The following NRG3 variants were observed in gnomAD, a reference collection of about 807,000 sequenced individuals.
NRG3 encodes the protein pro-neuregulin-3, membrane-bound isoform.
A neutral mutation model predicts 66.9 loss-of-function variants in NRG3; 31 were observed. That is an observed-to-expected ratio of 0.46 (90% confidence interval 0.35 to 0.63). The LOEUF (loss-of-function observed/expected upper bound fraction) is 0.63. NRG3 is among the 20% of genes least tolerant of loss of function. The probability of loss-of-function intolerance (pLI) is 0.00; values close to 1 mark genes in which losing one functional copy is unlikely to be tolerated. For missense variants in NRG3, 910 were observed against 878.9 expected (o/e 1.04, Z -0.45); for synonymous variants, 393 against 359.4 (o/e 1.09, Z -1.06).
At chr10:82,715,942 T>C (rs561490332) in intron 2 of NRG3, among the ~76,000 whole-genome samples, 3 of 152,248 alleles carry the variant, frequency 2.0e-5, no homozygotes, top group South Asian at 4.1e-4. Flanking sequence ...TAGCCTCTTC[T>C]TATAAGTGGA....
intron 1 of NRG3, among the ~76,000 whole-genome samples, chr10:82,257,667 T>G (rs1251922588): frequency 6.6e-6 from 1 of 151,970 alleles, no homozygotes; most frequent in Non-Finnish European, 1.5e-5. Flanking sequence ...CTCAGGAGCA[T>G]GAGGTGGTAG....
intron 2 of NRG3, among the ~76,000 whole-genome samples, chr10:82,653,943 A>G (rs570546807): frequency 1.3e-5 from 2 of 152,308 alleles, no homozygotes; most frequent in Admixed American, 6.5e-5. Flanking sequence ...AAAGCCAGAG[A>G]TTACGTACTA....
intron 1 of NRG3, among the ~76,000 whole-genome samples, chr10:82,244,885 C>A (rs1564704377): frequency 6.6e-6 from 1 of 151,962 alleles, no homozygotes; most frequent in Non-Finnish European, 1.5e-5. Flanking sequence ...AGATGCCCAC[C>A]ACCATGCCCG....
At chr10:82,819,720 C>T (rs2061863863) in intron 3 of NRG3, among the ~76,000 whole-genome samples, 1 of 152,172 alleles carries the variant, frequency 6.6e-6, no homozygotes, top group South Asian at 2.1e-4. Flanking sequence ...ACATCTATTA[C>T]TCTGGGTCCT....
chr10:82,588,506 T>C (rs1001031561), intron 2 of NRG3, among the ~76,000 whole-genome samples: 1 of 151,994 alleles, frequency 6.6e-6, no homozygotes, highest in Non-Finnish European at 1.5e-5. Flanking sequence ...ATTGAACCTT[T>C]TTTTTTTCTT....
chr10:82,297,238 A>G (rs984029593), intron 1 of NRG3, among the ~76,000 whole-genome samples: 6 of 151,460 alleles, frequency 4.0e-5, no homozygotes, highest in Admixed American at 4.0e-4. Flanking sequence ...TGCTACAATA[A>G]ACATAAAAAT....
chr10:82,361,007 T>G (rs2084102392), intron 2 of NRG3, among the ~76,000 whole-genome samples: 1 of 152,196 alleles, frequency 6.6e-6, no homozygotes, highest in African/African-American at 2.4e-5. Flanking sequence ...ATTACTTCTG[T>G]GAAGACCTTT....
At chr10:82,549,613 C>A (rs1262947159) in intron 2 of NRG3, among the ~76,000 whole-genome samples, 1 of 152,144 alleles carries the variant, frequency 6.6e-6, no homozygotes, top group South Asian at 2.1e-4. Flanking sequence ...CTATCTGTTA[C>A]AAAGCTGATG....
chr10:82,132,511 T>TC (rs2068967292), intron 1 of NRG3, among the ~76,000 whole-genome samples: 1 of 12,684 alleles, frequency 7.9e-5, no homozygotes, highest in African/African-American at 3.8e-4. Context: ...ATATCATATA[T>TC]ATATGATATA....
chr10:82,493,312 G>T (rs998865867), intron 2 of NRG3, among the ~76,000 whole-genome samples: 1 of 152,046 alleles, frequency 6.6e-6, no homozygotes, highest in African/African-American at 2.4e-5. Flanking sequence ...CCCAGTTCGT[G>T]TTGTTCCTCT....
At chr10:82,378,903 T>A (rs2085434605) in intron 2 of NRG3, among the ~76,000 whole-genome samples, 1 of 152,104 alleles carries the variant, frequency 6.6e-6, no homozygotes. Flanking sequence ...TCTCTCCTTC[T>A]ATGGCCTGGT....
chr10:81,910,641 T>C (rs547841968), intron 1 of NRG3, among the ~76,000 whole-genome samples: 1 of 152,232 alleles, frequency 6.6e-6, no homozygotes, highest in South Asian at 2.1e-4. Flanking sequence ...TTTGATAAAC[T>C]TCTTTTTTAC....
intron 1 of NRG3, among the ~76,000 whole-genome samples, chr10:82,252,534 A>G (rs1025989310): frequency 1.3e-5 from 2 of 152,216 alleles, no homozygotes; most frequent in African/African-American, 4.8e-5. Flanking sequence ...TATATTACAA[A>G]TGAGGACACT....
intron 2 of NRG3, among the ~76,000 whole-genome samples, chr10:82,707,059 A>G (rs2056350610): frequency 6.8e-6 from 1 of 148,100 alleles, no homozygotes; most frequent in Non-Finnish European, 1.5e-5. Flanking sequence ...TTGATATATT[A>G]AAAAATAAAC....
intron 2 of NRG3, among the ~76,000 whole-genome samples, chr10:82,556,624 A>G (rs1246015151): frequency 6.6e-6 from 1 of 152,076 alleles, no homozygotes; most frequent in African/African-American, 2.4e-5. Flanking sequence ...TATAATTTTC[A>G]TTAGGCAAAT....
At chr10:82,194,135 T>C (rs1369168309) in intron 1 of NRG3, among the ~76,000 whole-genome samples, 2 of 152,168 alleles carry the variant, frequency 1.3e-5, no homozygotes. Context: ...CTGTGGTCTT[T>C]CCATTTGGTA....
chr10:82,828,953 G>A (rs2062381417), intron 3 of NRG3, among the ~76,000 whole-genome samples: 1 of 152,160 alleles, frequency 6.6e-6, no homozygotes, highest in Non-Finnish European at 1.5e-5. Context: ...TTCCCCTGCA[G>A]ATGAAAATTT....
intron 5 of NRG3, among the ~76,000 whole-genome samples, chr10:82,954,462 T>C (rs1036996706): frequency 6.6e-6 from 1 of 151,790 alleles, no homozygotes; most frequent in African/African-American, 2.4e-5. Context: ...TTCATTAGGG[T>C]AGGCTCAGAG....
At chr10:82,061,177 C>G (rs1409202802) in intron 1 of NRG3, among the ~76,000 whole-genome samples, 1 of 152,022 alleles carries the variant, frequency 6.6e-6, no homozygotes, top group East Asian at 1.9e-4. Context: ...ATGGTGAAAC[C>G]CTGTCTCTAC....
Sources: allele counts gnomAD v4.1 joint callset (sites outside exome capture counted in the v4.1 genomes callset), GRCh38; gene constraint gnomAD v4.1.1; transcripts MANE v1.5; gene names NCBI Gene and HGNC (gene_info 2026-07-23, HGNC 2026-07-21).